The following HK1 variants were observed in gnomAD, a reference collection of about 807,000 sequenced individuals.
The protein encoded by HK1 is hexokinase 1.
HK1 carries 28 observed loss-of-function variants against 91.6 expected under a neutral mutation model. The observed-to-expected ratio is 0.31, with a 90% CI of 0.23 to 0.42. The LOEUF is 0.42. Among genes scored for constraint, HK1 ranks in the 10% least tolerant of loss-of-function variants. HK1 has a pLI of 1.00. For missense variants in HK1, 770 were observed against 1,219.8 expected (o/e 0.63, Z 5.49); for synonymous variants, 430 against 468.1 (o/e 0.92, Z 1.05).
At chr10:69,389,134 C>T (rs768952265) in intron 13 of HK1, 63 bp from the exon 14 acceptor site, 76 of 1,266,228 alleles carry the variant, frequency 6.0e-5, no homozygotes, top group South Asian at 4.3e-4. Flanking sequence ...CAGACAGAAC[C>T]GGCAGCATTC....
chr10:69,351,232 G>T (rs1256510997), intron 2 of HK1, among the ~76,000 whole-genome samples: 4 of 151,590 alleles, frequency 2.6e-5, no homozygotes, highest in African/African-American at 4.9e-5. Flanking sequence ...GCTAGGCCAG[G>T]CACGGTGGCT....
intron 2 of HK1, among the ~76,000 whole-genome samples, chr10:69,354,027 T>A (rs1849011431): frequency 6.6e-6 from 1 of 152,164 alleles, no homozygotes; most frequent in Non-Finnish European, 1.5e-5. Context: ...TATGATGCTA[T>A]CTCCAGGTAG....
intron 3 of HK1, among the ~76,000 whole-genome samples, chr10:69,295,011 C>CAGAG (rs3086615): frequency 0.063 from 7,856 of 124,994 alleles, 537 homozygotes; most frequent in African/African-American, 0.17. Flanking sequence ...GCCTGGGCAA[C>CAGAG]AGAGAGAGAG....
intron 2 of HK1, among the ~76,000 whole-genome samples, chr10:69,348,817 A>G: frequency 6.6e-6 from 1 of 152,114 alleles, no homozygotes; most frequent in East Asian, 1.9e-4. Flanking sequence ...AAAAAAAAAA[A>G]AAGAAGAATC....
chr10:69,379,644 A>C (rs1006685083), intron 8 of HK1, among the ~76,000 whole-genome samples: 3 of 152,154 alleles, frequency 2.0e-5, no homozygotes, highest in African/African-American at 7.2e-5. Context: ...GGCATAGTGC[A>C]ACCTGGTACA....
intron 1 of HK1, among the ~76,000 whole-genome samples, chr10:69,273,235 A>G (rs1393163296): frequency 6.6e-6 from 1 of 151,718 alleles, no homozygotes; most frequent in African/African-American, 2.4e-5. Flanking sequence ...TATTTATTTG[A>G]GATGGAGTCT....
intron 4 of HK1, chr10:69,300,494 T>C: frequency 2.4e-6 from 2 of 836,504 alleles, no homozygotes; most frequent in Non-Finnish European, 3.9e-6. Context: ...TGGTCCATGA[T>C]GCCAGCTGAG....
chr10:69,331,508 G>A (rs1396889317), intron 1 of HK1, among the ~76,000 whole-genome samples: 2 of 152,234 alleles, frequency 1.3e-5, no homozygotes, highest in Admixed American at 1.3e-4. Context: ...GAGATGTGCT[G>A]TGGCATATAA....
chr10:69,388,671 G>C (rs969025912), intron 13 of HK1, among the ~76,000 whole-genome samples: 1 of 152,078 alleles, frequency 6.6e-6, no homozygotes, highest in African/African-American at 2.4e-5. Flanking sequence ...TCTTTTTCCT[G>C]GCTGCGTAGG....
chr10:69,280,617 G>A (rs1730393388), intron 1 of HK1, among the ~76,000 whole-genome samples: 2 of 152,170 alleles, frequency 1.3e-5, no homozygotes. Flanking sequence ...CCCTTATAAA[G>A]GAGACTCTAG....
chr10:69,325,960 T>G (rs1035675168), intron 1 of HK1, among the ~76,000 whole-genome samples: 5 of 150,566 alleles, frequency 3.3e-5, no homozygotes, highest in Non-Finnish European at 7.4e-5. Context: ...TCAGCCTCCC[T>G]AGTAGCTGGG....
chr10:69,296,286 C>T (rs145881022), intron 4 of HK1: 165 of 155,834 alleles, frequency 1.1e-3, no homozygotes, highest in Non-Finnish European at 1.6e-3. Context: ...GAGGTGTACA[C>T]TTTATGAATC....
intron 10 of HK1, among the ~76,000 whole-genome samples, chr10:69,383,342 G>C (rs535630589): frequency 6.6e-6 from 1 of 152,142 alleles, no homozygotes; most frequent in Non-Finnish European, 1.5e-5. Context: ...GGGGAGTTTC[G>C]CATTCAGGCA....
Position 69,369,314 on chromosome 10 carries a change from C to T in HK1, c.669C>T (p.His223=). 1 of 1,614,122 alleles carries T rather than the reference C, an allele frequency of 6.2e-7. No homozygotes were observed. Among genetic ancestry groups the T allele is most frequent in the Admixed American group, 1.7e-5 (1 of 60,030 alleles). ...TGACCTGTGGCTATGACGACCAGCA[C>T]TGTGAAGTCGGCCTGATCATCGGTA... is the stretch of plus-strand genomic sequence containing the variant. ...TMMTCGYDDQ[H]CEVGLIIGTG... Residue 223 remains histidine (H), a synonymous_variant, in exon 6 of 18, where the codon CAC becomes CAT. Coordinates refer to ENST00000359426, the MANE Select transcript of HK1 (RefSeq NM_000188.3). This position sits in a 1 kb window ranked among gnomAD's most constrained non-coding sequence, Gnocchi z 4.4.
At chr10:69,376,862 T>C in intron 7 of HK1, 72 bp from the exon 8 acceptor site, 1 of 1,586,888 alleles carries the variant, frequency 6.3e-7, no homozygotes, top group Non-Finnish European at 8.6e-7. Flanking sequence ...CCATTCCTTT[T>C]ATGTCTGTCC....
chr10:69,381,285 C>CA (rs1403220711), intron 9 of HK1, among the ~76,000 whole-genome samples: 2 of 151,540 alleles, frequency 1.3e-5, no homozygotes, highest in South Asian at 2.1e-4. Flanking sequence ...GCTCCTGTCT[C>CA]AAAAAAAGAA....
chr10:69,289,379 T>A lies in HK1; in HGVS notation c.-115+609T>A, dbSNP rs143263903. Among the ~76,000 whole-genome samples, 240 of 151,992 alleles carry A rather than the reference T, an allele frequency of 1.6e-3. 1 individual carries two copies. Among genetic ancestry groups the A allele is most frequent in the Middle Eastern group, 3.4e-3 (1 of 294 alleles). Reference sequence around the variant, plus strand: ...TGTGTGCTGGAAATAGGAGTTTGGCTTTTTCTTCTCTAAGAGAAGCCCCCT... The same window carrying A: ...TGTGTGCTGGAAATAGGAGTTTGGCATTTTCTTCTCTAAGAGAAGCCCCCT... On this transcript the variant is annotated intron_variant, in intron 3 of 21. Transcript: ENST00000360289.
Position 69,392,234 on chromosome 10 carries a change from C to CG in HK1, c.2148dup (p.Cys717ValfsTer4). 1 of 1,614,160 alleles carries CG rather than the reference C, an allele frequency of 6.2e-7. No homozygotes were observed. The highest frequency in any genetic ancestry group is 8.5e-7 in the Non-Finnish European group (1 of 1,180,020). On this transcript the variant is annotated frameshift_variant, in exon 15 of 18. Transcript: ENST00000359426. LOFTEE classifies it high-confidence loss of function. The stretch of plus-strand genomic sequence containing the variant: ...TGGAGTGGGGGGCCTTTGGGGACAA[C>CG]GGGTGTCTGGATGATATCAGGACAC...
At position 69,350,078 on chromosome 10, in the gene HK1, C is replaced by T. The variant is rs12248865; in HGVS notation, c.226+6089C>T. On this transcript the variant is annotated intron_variant, in intron 2 of 17. Transcript: ENST00000359426. ...GGCTGACCCCTCCCCTTATAGCCAG[C>T]GATCTCTGTGCAAAGAGCAGGCCTT... Among the ~76,000 whole-genome samples the T allele has an allele frequency of 1.5e-3, 221 of 152,282 alleles. 1 individual carries two copies. Among genetic ancestry groups the T allele is most frequent in the African/African-American group, 5.1e-3 (213 of 41,562 alleles).
Sources: gnomAD v4.1 joint callset for allele counts (sites outside exome capture counted in the v4.1 genomes callset) on GRCh38, gnomAD v4.1.1 for gene constraint, Gnocchi (gnomAD v3.1) non-coding constraint, MANE v1.5 for transcripts, NCBI Gene and HGNC (gene_info 2026-07-23, HGNC 2026-07-21) for gene names.